BRCA1: variants seen among roughly 807,000 people sequenced by gnomAD.
The protein encoded by BRCA1 is breast cancer type 1 susceptibility protein.
In BRCA1, 140 loss-of-function variants were observed where a neutral mutation model predicts 173.7. The observed-to-expected ratio is 0.81, with a 90% confidence interval of 0.70 to 0.93. The LOEUF is 0.93. BRCA1 is among the 40% of genes least tolerant of loss of function. The probability of loss-of-function intolerance (pLI) is 0.00; values close to 1 mark genes in which losing one functional copy is unlikely to be tolerated. For missense variants in BRCA1, 1,983 were observed against 2,172.5 expected, an observed-to-expected ratio of 0.91 and a Z score of 1.73; for synonymous variants, 662 against 756.0, an observed-to-expected ratio of 0.88 and a Z score of 2.04.
chr17:43,167,023 T>A (rs2056272715), intron 1 of BRCA1: 1 of 152,292 alleles, frequency 6.6e-6, no homozygotes, highest in African/African-American at 2.4e-5. Context: ...TCCTTCCCGG[T>A]GTTCAGCCAC....
In BRCA1 at chr17:43,097,247, C is replaced by T. The variant is rs2154521053; in HGVS notation, c.590G>A (p.Cys197Tyr). 1 of 1,613,654 alleles carries T rather than the reference C, an allele frequency of 6.2e-7. No individual in the cohort carries two copies. Among genetic ancestry groups the T allele is most frequent in the East Asian group, 2.2e-5 (1 of 44,846 alleles). The change falls in exon 8 of 23, where the codon TGC (cysteine) becomes TAC (tyrosine). Residue 197 changes from cysteine to tyrosine, a missense_variant. Physicochemically the swap from Cys to Tyr is radical, Grantham distance 194. Coordinates refer to ENST00000357654, the MANE Select transcript of BRCA1 (RefSeq NM_007294.4). ...ACAAAGGTTCTCTTTGACTCACCTG[C>T]AATAAGTTGCCTTATTAACGGTATC... ...SEDTVNKATY[C>Y]SVGDQELLQI...
rs8176279 is a variant in BRCA1 at position 43,058,379 on chromosome 17, A to C, written c.5194-1244T>G. ...ACAAAGTGAGACTCTGCTAAAAAAA[A>C]ACACACACACACACACACATAAAAC... On this transcript the variant is annotated intron_variant, in intron 18 of 22. Transcript: ENST00000357654. 0.41 allele frequency among the ~76,000 whole-genome samples: 61,808 copies of C among 149,880 alleles called. 13,611 individuals carry two copies. Among genetic ancestry groups the C allele is most frequent in the African/African-American group, 0.58 (23,399 of 40,510 alleles).
chr17:43,072,330 G>A (rs568392972), intron 14 of BRCA1, among the ~76,000 whole-genome samples: 46 of 150,566 alleles, frequency 3.1e-4, no homozygotes, highest in Non-Finnish European at 4.3e-4. Flanking sequence ...CGGAGGTTGC[G>A]CTGAGCCGAG....
rs1567759315 is a variant in BRCA1, at chr17:43,049,286, G to GC, written c.5333-93dup. The GC allele has an allele frequency of 9.1e-7, 1 of 1,102,862 alleles. No homozygotes were observed. The allele number at this position is 1,102,862 out of a possible 1,614,324, so 68.3% of individuals were successfully genotyped here. A position where few individuals can be genotyped will look rare whatever the true frequency, so the allele number is the denominator to read the frequency against. ...TACACTCTCCGGATGAAGGCTTATA[G>GC]CAAGACCTCTCAATGGGAGAGTCTG... On this transcript the variant is annotated intron_variant, in intron 20 of 22. Coordinates refer to ENST00000357654, the MANE Select transcript of BRCA1 (RefSeq NM_007294.4).
intron 3 of BRCA1, 70 bp downstream of exon 3, chr17:43,115,656 G>A (rs2154565087): frequency 7.0e-7 from 1 of 1,422,540 alleles, no homozygotes; most frequent in South Asian, 1.2e-5. Flanking sequence ...TATAAAGTTA[G>A]GTGTTTCCTG....
At chr17:43,076,286 A>G (rs1288969952) in intron 13 of BRCA1, among the ~76,000 whole-genome samples, 1 of 152,046 alleles carries the variant, frequency 6.6e-6, no homozygotes, top group Non-Finnish European at 1.5e-5. Flanking sequence ...ATCTAACCGC[A>G]CATTTCTCAT....
At chr17:43,108,836 T>C (rs994775418) in intron 3 of BRCA1, among the ~76,000 whole-genome samples, 2 of 139,242 alleles carry the variant, frequency 1.4e-5, no homozygotes, top group Admixed American at 7.4e-5. Flanking sequence ...CTACTAAAAA[T>C]ACAAAAATTA....
At chr17:43,081,549 G>A (rs2053002283) in intron 12 of BRCA1, among the ~76,000 whole-genome samples, 1 of 152,196 alleles carries the variant, frequency 6.6e-6, no homozygotes, top group South Asian at 2.1e-4. Context: ...TAGGAATGAA[G>A]TGTACTTTGG....
intron 20 of BRCA1, 115 bp from the exon 21 acceptor site, chr17:43,049,309 CTG>C: frequency 1.1e-6 from 1 of 908,240 alleles, no homozygotes; most frequent in Admixed American, 1.9e-5. Context: ...ATGGGAGAGT[CTG>C]TCTCTCTGCT....
rs587778115 is a variant in BRCA1 at position 43,099,856 on chromosome 17, G to T, written c.466C>A (p.Leu156Ile). The T allele has an allele frequency of 1.9e-6, 3 of 1,613,510 alleles. No homozygotes were observed. Among genetic ancestry groups the T allele is most frequent in the Middle Eastern group, 3.3e-4 (2 of 6,060 alleles). ...SLQETSLSVQ[L>I]SNLGTVRTLR... is the part of the protein sequence containing the mutation. ...GTTCTCACAGTTCCAAGGTTAGAGA[G>T]TTGGACACTGAGACTGGTTTCCTGC... The change falls in exon 7 of 23, where the codon CTC (leucine) becomes ATC (isoleucine). Residue 156 changes from leucine (L) to isoleucine (I), a missense_variant. Transcript: ENST00000357654.
In BRCA1 at chr17:43,091,486, T is replaced by C. The variant is rs80357231; in HGVS notation, c.4045A>G (p.Thr1349Ala). Residue 1349 changes from threonine to alanine, a missense_variant, in exon 10 of 23, where the codon ACG (threonine) becomes GCG (alanine). Physicochemically the swap from Thr to Ala is moderately conservative, Grantham distance 58. Coordinates refer to ENST00000357654, the MANE Select transcript of BRCA1 (RefSeq NM_007294.4). ...TCTTGATTATTTTCTTCCAAGCCCG[T>C]TCCTCTTTCTTCATCATCTGAAACC... ...ELVSDDEERG[T>A]GLEENNQEEQ... 6.2e-7 allele frequency: 1 copy of C among 1,613,522 alleles called. No individual in the cohort carries two copies. The highest frequency in any genetic ancestry group is 8.5e-7 in the Non-Finnish European group (1 of 1,179,628).
intron 18 of BRCA1, among the ~76,000 whole-genome samples, chr17:43,063,119 A>G (rs892480040): frequency 2.6e-5 from 4 of 151,896 alleles, no homozygotes. Context: ...TGAACTCCCG[A>G]CATCAGGTGA....
At chr17:43,153,779 C>T (rs182100535) in intron 1 of BRCA1, 1 of 152,346 alleles carries the variant, frequency 6.6e-6, no homozygotes, top group East Asian at 1.9e-4. Flanking sequence ...GGCAAGAACA[C>T]TTTACAGATG....
intron 1 of BRCA1, chr17:43,148,804 A>T (rs2056140614): frequency 6.0e-6 from 1 of 167,940 alleles, no homozygotes; most frequent in African/African-American, 2.4e-5. Flanking sequence ...AGAAAACGCA[A>T]TTAAGATTTT....
intron 7 of BRCA1, among the ~76,000 whole-genome samples, chr17:43,098,533 T>C (rs2054232403): frequency 1.3e-5 from 2 of 151,352 alleles, no homozygotes; most frequent in Admixed American, 6.6e-5. Flanking sequence ...TAATTTTTTT[T>C]TTTTTTTGTA....
intron 1 of BRCA1, among the ~76,000 whole-genome samples, chr17:43,131,978 T>C (rs1262442216): frequency 6.6e-6 from 1 of 152,174 alleles, no homozygotes; most frequent in East Asian, 2.0e-4. Context: ...GAAATGGGGT[T>C]TCACCATGTT....
At chr17:43,068,015 C>T (rs1252872929) in intron 15 of BRCA1, among the ~76,000 whole-genome samples, 1 of 150,224 alleles carries the variant, frequency 6.7e-6, no homozygotes, top group Non-Finnish European at 1.5e-5. Flanking sequence ...CGGTGGCTCA[C>T]GCCTGTAATC....
intron 1 of BRCA1, among the ~76,000 whole-genome samples, chr17:43,150,240 G>A (rs770117924): frequency 7.2e-5 from 11 of 152,080 alleles, no homozygotes; most frequent in Non-Finnish European, 7.4e-5. Flanking sequence ...TTCCTGAGTA[G>A]CTGGGACTAC....
intron 6 of BRCA1, among the ~76,000 whole-genome samples, chr17:43,103,824 C>T (rs550013330): frequency 3.3e-5 from 5 of 151,746 alleles, no homozygotes; most frequent in Admixed American, 6.6e-5. Flanking sequence ...ATGGTTTTAC[C>T]GGCCGGGCAC....
Sources: gnomAD v4.1 joint callset for allele counts (sites outside exome capture counted in the v4.1 genomes callset) on GRCh38, gnomAD v4.1.1 for gene constraint, MANE v1.5 for transcripts, NCBI Gene and HGNC (gene_info 2026-07-23, HGNC 2026-07-21) for gene names.